The following EXOC2 variants were observed in gnomAD, a reference collection of about 807,000 sequenced individuals.
EXOC2 encodes the protein SEC5-like 1.
A neutral mutation model predicts 131.8 loss-of-function variants in EXOC2; 70 were observed. That is an observed-to-expected ratio of 0.53 (90% CI 0.44 to 0.65). The LOEUF (loss-of-function observed/expected upper bound fraction) is 0.65. Ranked by LOEUF, EXOC2 falls within the 30% of genes least tolerant of loss-of-function variation. EXOC2 has a pLI of 0.00. For synonymous variants in EXOC2, 411 were observed against 398.4 expected (o/e 1.03, Z -0.38); for missense variants, 923 against 1,108.6 (o/e 0.83, Z 2.38).
Position 657,137 on chromosome 6 carries a change from A to T in EXOC2, c.-43-19276T>A, listed in dbSNP as rs547547604. 18 of 426,272 alleles carry T rather than the reference A, an allele frequency of 4.2e-5. 1 individual carries two copies. In the South Asian group the frequency reaches 1.4e-3, roughly 33 times the overall value. 26.4% of individuals were successfully genotyped at this position (426,272 alleles called of 1,614,324 possible). A position where few individuals can be genotyped will look rare whatever the true frequency, so the allele number is the denominator to read the frequency against. On this transcript the variant is annotated intron_variant, in intron 1 of 27. Transcript: ENST00000230449. ...CGCAGCCCTAGGCCTGGAGCCACGG[A>T]AGGGCCTCCCAACGCCCGTTCTCAC...
At chr6:551,738 T>G (rs1432763831) in intron 21 of EXOC2, among the ~76,000 whole-genome samples, 1 of 152,160 alleles carries the variant, frequency 6.6e-6, no homozygotes, top group African/African-American at 2.4e-5. Flanking sequence ...CCTGCCGCAT[T>G]TCCATGCTCC....
chr6:614,927 C>A (rs912111870), intron 6 of EXOC2, among the ~76,000 whole-genome samples: 2 of 116,702 alleles, frequency 1.7e-5, no homozygotes, highest in African/African-American at 6.7e-5. Context: ...TTACTAAAAA[C>A]TACTAAGGAG....
At chr6:603,119 C>T (rs886292566) in intron 7 of EXOC2, among the ~76,000 whole-genome samples, 64 of 152,198 alleles carry the variant, frequency 4.2e-4, no homozygotes, top group African/African-American at 1.5e-3. Flanking sequence ...TTCTAATCTG[C>T]TCTCCACTTG....
chr6:641,632 TC>T (rs1471047412), intron 1 of EXOC2, among the ~76,000 whole-genome samples: 4 of 152,134 alleles, frequency 2.6e-5, no homozygotes, highest in African/African-American at 9.7e-5. Flanking sequence ...TTATCATTCA[TC>T]CAATAAACCC....
At chr6:516,258 A>C (rs1455391070) in intron 23 of EXOC2, among the ~76,000 whole-genome samples, 2 of 152,184 alleles carry the variant, frequency 1.3e-5, no homozygotes, top group East Asian at 3.8e-4. Context: ...GAGAATACGC[A>C]TTTCTAACTG....
At chr6:505,648 A>G (rs921841540) in intron 23 of EXOC2, among the ~76,000 whole-genome samples, 1 of 152,166 alleles carries the variant, frequency 6.6e-6, no homozygotes, top group Non-Finnish European at 1.5e-5. Flanking sequence ...CCTCCTGGGC[A>G]CTGTGTCCCC....
chr6:586,865 G>A (rs1184977583), intron 11 of EXOC2, among the ~76,000 whole-genome samples: 1 of 152,218 alleles, frequency 6.6e-6, no homozygotes, highest in East Asian at 1.9e-4. Context: ...GGATACGGAG[G>A]ACGTGGGTCT....
At chr6:626,921 A>G (rs1393653693) in intron 4 of EXOC2, among the ~76,000 whole-genome samples, 1 of 152,200 alleles carries the variant, frequency 6.6e-6, no homozygotes, top group African/African-American at 2.4e-5. Context: ...GTTTCCACAA[A>G]CAAATAATAC....
rs1759637261 is a variant in EXOC2 at position 593,196 on chromosome 6, G to A, written c.1074-609C>T. Among the ~76,000 whole-genome samples, 7 of 152,210 alleles carry A rather than the reference G, an allele frequency of 4.6e-5. No homozygotes were observed. The South Asian group carries it at 1.2e-3, about 27-fold the overall frequency. On this transcript the variant is annotated intron_variant, in intron 10 of 27. Transcript: ENST00000230449. The stretch of plus-strand genomic sequence containing the variant: ...GCATTTTTCTTTATATTTATATTTA[G>A]TTCACAGGAGTTTTTCTACTTAGTT...
intron 5 of EXOC2, 52 bp from the exon 6 acceptor site, chr6:617,887 A>G (rs1561931570): frequency 5.0e-6 from 8 of 1,587,894 alleles, no homozygotes; most frequent in Non-Finnish European, 6.9e-6. Context: ...TGCAAGAAAG[A>G]AAAAATAATT....
intron 23 of EXOC2, among the ~76,000 whole-genome samples, chr6:507,455 G>C (rs1764632238): frequency 6.6e-6 from 1 of 151,956 alleles, no homozygotes; most frequent in Non-Finnish European, 1.5e-5. Context: ...TGACCATCTT[G>C]CACATGGGAG....
At chr6:647,690 T>A (rs1247779827) in intron 1 of EXOC2, among the ~76,000 whole-genome samples, 1 of 141,838 alleles carries the variant, frequency 7.1e-6, no homozygotes, top group Non-Finnish European at 1.5e-5. Flanking sequence ...TAACTGCAAT[T>A]AGAATACCTC....
chr6:557,342 G>C (rs112441497), intron 17 of EXOC2, among the ~76,000 whole-genome samples: 1 of 152,228 alleles, frequency 6.6e-6, no homozygotes, highest in Non-Finnish European at 1.5e-5. Context: ...GAATTTGGCC[G>C]GGCGCAGTGG....
chr6:572,414 G>T, intron 13 of EXOC2, 106 bp downstream of exon 13: 2 of 1,359,604 alleles, frequency 1.5e-6, no homozygotes, highest in South Asian at 1.5e-5. Flanking sequence ...ACGATGGCTA[G>T]AGATGTTGGG....
At chr6:507,058 G>A (rs1363657965) in intron 23 of EXOC2, among the ~76,000 whole-genome samples, 1 of 133,726 alleles carries the variant, frequency 7.5e-6, no homozygotes, top group Non-Finnish European at 1.6e-5. Flanking sequence ...ACACAGAGCA[G>A]TGATCCCACA....
intron 25 of EXOC2, 82 bp downstream of exon 25, chr6:497,285 A>G: frequency 7.6e-7 from 1 of 1,318,098 alleles, no homozygotes; most frequent in Non-Finnish European, 1.1e-6. Context: ...AGCCTGTCAT[A>G]TCATAAGATT....
chr6:537,221 C>T (rs9767598), intron 22 of EXOC2, among the ~76,000 whole-genome samples: 23,817 of 144,598 alleles, frequency 0.16, 1,410 homozygotes, highest in African/African-American at 0.31. Context: ...ACCGACGGAG[C>T]GCACACACGA....
intron 1 of EXOC2, among the ~76,000 whole-genome samples, chr6:668,373 T>C (rs1242340538): frequency 1.3e-5 from 2 of 152,190 alleles, no homozygotes; most frequent in Non-Finnish European, 2.9e-5. Context: ...CAGAACTTAA[T>C]TCTTCTGTCC....
chr6:547,431 CTCATCT>C (rs1027468338), intron 22 of EXOC2, among the ~76,000 whole-genome samples: 2 of 152,190 alleles, frequency 1.3e-5, no homozygotes. Context: ...ATGAGAGACC[CTCATCT>C]TCAAGTGCGG....
Sources: allele counts gnomAD v4.1 joint callset (sites outside exome capture counted in the v4.1 genomes callset), GRCh38; gene constraint gnomAD v4.1.1; transcripts MANE v1.5; gene names NCBI Gene and HGNC (gene_info 2026-07-23, HGNC 2026-07-21).